ZNF518A: variants seen among roughly 807,000 people sequenced by gnomAD.
The protein encoded by ZNF518A is zinc finger protein 518.
In ZNF518A, 47 loss-of-function variants were observed where a neutral mutation model predicts 102.7. The observed-to-expected ratio is 0.46, with a 90% CI of 0.36 to 0.58. ZNF518A has a LOEUF of 0.58. Ranked by LOEUF, ZNF518A falls within the 20% of genes least tolerant of loss-of-function variation. ZNF518A has a pLI of 0.00. For missense variants in ZNF518A, 1,793 were observed against 1,699.8 expected, an observed-to-expected ratio of 1.05 and a Z score of -0.96; for synonymous variants, 652 against 594.6, an observed-to-expected ratio of 1.10 and a Z score of -1.40.
In ZNF518A at chr10:96,156,801, A is replaced by G; in HGVS notation, c.479A>G (p.Asn160Ser). The change falls in exon 6 of 6, where the codon AAT becomes AGT. Residue 160 changes from asparagine to serine, a missense_variant. Around this residue, in one of 3 missense-constraint regions of ZNF518A, gnomAD observed 1,741 missense variants for 1,622.6 expected, o/e 1.07. Transcript: ENST00000316045. ...YPCEMCNFSA[N>S]DFQVFKQHRR... ...TGTGAAATGTGCAACTTTTCAGCAA[A>G]TGACTTTCAGGTATTTAAACAACAC... is the stretch of plus-strand genomic sequence containing the variant. The G allele has an allele frequency of 6.2e-7, 1 of 1,613,930 alleles. No homozygotes were observed. Among genetic ancestry groups the G allele is most frequent in the Non-Finnish European group, 8.5e-7 (1 of 1,179,818 alleles).
intron 1 of ZNF518A, among the ~76,000 whole-genome samples, chr10:96,202,320 G>A (rs587775952): frequency 6.6e-6 from 1 of 152,310 alleles, no homozygotes; most frequent in Admixed American, 6.5e-5. Flanking sequence ...CAACAGCAGA[G>A]TGGGGGAGGC....
chr10:96,184,212 G>A (rs2083257540), intron 1 of ZNF518A, among the ~76,000 whole-genome samples: 1 of 152,112 alleles, frequency 6.6e-6, no homozygotes, highest in South Asian at 2.1e-4. Flanking sequence ...CGTGAGATGG[G>A]TCTCCTGAAT....
At position 96,156,740 on chromosome 10, in the gene ZNF518A, C is replaced by A. The variant is rs782712101; in HGVS notation, c.418C>A (p.Gln140Lys). The part of the protein sequence containing the change: ...YSPNDLQKHF[Q>K]MWHHGELPSY... ...CCCAAATGATTTGCAGAAACACTTT[C>A]AAATGTGGCACCATGGCGAATTACC... The change falls in exon 6 of 6, where the codon CAA becomes AAA. Residue 140 changes from glutamine (Q) to lysine (K), a missense_variant. Physicochemically the swap from Gln to Lys is moderately conservative, Grantham distance 53 (BLOSUM62 1). Transcript: ENST00000316045. 9 of 1,613,748 alleles carry A rather than the reference C, an allele frequency of 5.6e-6. No individual in the cohort carries two copies. The highest frequency in any genetic ancestry group is 6.8e-6 in the Non-Finnish European group (8 of 1,179,804).
At chr10:96,196,839 A>G in intron 1 of ZNF518A, 2 of 1,462,978 alleles carry the variant, frequency 1.4e-6, no homozygotes, top group Non-Finnish European at 1.9e-6. Context: ...TCTAGCATCT[A>G]ATACAGTATT....
At chr10:96,183,946 C>T (rs1055388041) in intron 1 of ZNF518A, among the ~76,000 whole-genome samples, 2 of 152,130 alleles carry the variant, frequency 1.3e-5, no homozygotes, top group Non-Finnish European at 2.9e-5. Context: ...TGTTGGGTAT[C>T]TAAATCTCTT....
chr10:96,157,781 C>T lies in ZNF518A; in HGVS notation c.1459C>T (p.Gln487Ter). 6.2e-7 allele frequency: 1 copy of T among 1,613,852 alleles called. No homozygotes were observed. ...GGACGGTACTGCTAATTTGCAGCCCCAGACTTTGGACACTAATGGATTTTT... is the reference window on the plus strand; with the variant it reads ...GGACGGTACTGCTAATTTGCAGCCCTAGACTTTGGACACTAATGGATTTTT... ...AKDGTANLQP[Q>*]TLDTNGFLTG... Residue 487 changes from glutamine (Q) to a stop codon, truncating the protein, a stop_gained, in exon 6 of 6, where the codon CAG becomes TAG. Transcript: ENST00000316045. LOFTEE classifies it high-confidence loss of function.
chr10:96,148,650 A>G (rs74204561), intron 3 of ZNF518A, among the ~76,000 whole-genome samples: 2,854 of 152,176 alleles, frequency 0.019, 132 homozygotes, highest in East Asian at 0.17. Context: ...TTTGACTCCC[A>G]CTGTGGGGAG....
At chr10:96,197,199 G>T in intron 1 of ZNF518A, 1 of 651,464 alleles carries the variant, frequency 1.5e-6, no homozygotes, top group Non-Finnish European at 2.5e-6. Flanking sequence ...TTTTATTATT[G>T]ATTAGCGCTT....
At position 96,158,757 on chromosome 10, in the gene ZNF518A, A is replaced by C. The variant is rs149606048; in HGVS notation, c.2435A>C (p.His812Pro). The C allele has an allele frequency of 1.7e-5, 28 of 1,613,336 alleles. No individual in the cohort carries two copies. Among genetic ancestry groups the C allele is most frequent in the Middle Eastern group, 1.6e-4 (1 of 6,082 alleles). ...ACTCCAAATAAAGGCTTGCCACTTCATTGTGACCAGTCATTTCAAAAACAC... is the reference window on the plus strand; with the variant it reads ...ACTCCAAATAAAGGCTTGCCACTTCCTTGTGACCAGTCATTTCAAAAACAC... ...SNTPNKGLPL[H>P]CDQSFQKHER... Residue 812 changes from histidine (H) to proline (P), a missense_variant, in exon 6 of 6, where the codon CAT (histidine) becomes CCT (proline). His to Pro is a moderately conservative substitution (Grantham distance 77, BLOSUM62 -2). Coordinates refer to ENST00000316045, the MANE Select transcript of ZNF518A (RefSeq NM_001330736.2).
At chr10:96,139,753 T>C (rs1042263910) in intron 3 of ZNF518A, among the ~76,000 whole-genome samples, 9 of 152,102 alleles carry the variant, frequency 5.9e-5, no homozygotes, top group Non-Finnish European at 1.5e-5. Context: ...TGGATGCCAG[T>C]TAGGAGGATG....
At chr10:96,176,782 G>C (rs2083207001) in intron 1 of ZNF518A, among the ~76,000 whole-genome samples, 1 of 202 alleles carries the variant, frequency 5.0e-3, no homozygotes, top group Admixed American at 0.05. Context: ...TGTCATCCCA[G>C]CTACTCAGGA....
intron 3 of ZNF518A, among the ~76,000 whole-genome samples, chr10:96,134,297 CTCGGCTCA>C (rs2081490713): frequency 6.6e-6 from 1 of 152,240 alleles, no homozygotes; most frequent in African/African-American, 2.4e-5. Context: ...GTGGCGCGAT[CTCGGCTCA>C]CTACAACCTC....
downstream of ZNF518A, among the ~76,000 whole-genome samples, chr10:96,165,877 A>AGTC (rs1416876705): frequency 6.6e-6 from 1 of 152,180 alleles, no homozygotes; most frequent in Admixed American, 6.5e-5. Flanking sequence ...GAGGCTAGGA[A>AGTC]GTCCCACACT....
chr10:96,189,742 G>C (rs2083300110), intron 1 of ZNF518A: 2 of 725,858 alleles, frequency 2.8e-6, no homozygotes, highest in African/African-American at 3.6e-5. Context: ...ATCTTCATCA[G>C]CAGCAAGTTT....
rs1164254011 is a variant in ZNF518A at position 96,161,471 on chromosome 10, G to A, written c.*697G>A. ...CTGTGTCAAATGTTGCAGTAGATGGGCAGCTTCAAGAGAAGAATTTAAACT... is the reference window on the plus strand; with the variant it reads ...CTGTGTCAAATGTTGCAGTAGATGGACAGCTTCAAGAGAAGAATTTAAACT... On this transcript the variant is annotated 3_prime_UTR_variant, in exon 6 of 6. Coordinates refer to ENST00000316045, the MANE Select transcript of ZNF518A (RefSeq NM_001330736.2). 6.0e-6 allele frequency: 1 copy of A among 166,744 alleles called. No homozygotes were observed. Among genetic ancestry groups the A allele is most frequent in the African/African-American group, 2.4e-5 (1 of 41,418 alleles). 10.3% of individuals were successfully genotyped at this position (166,744 alleles called of 1,614,324 possible).
chr10:96,140,314 A>C (rs149797800), intron 3 of ZNF518A, among the ~76,000 whole-genome samples: 1 of 152,272 alleles, frequency 6.6e-6, no homozygotes, highest in African/African-American at 2.4e-5. Flanking sequence ...AGGGAGTGTA[A>C]CTTCTAATCA....
intron 1 of ZNF518A, among the ~76,000 whole-genome samples, chr10:96,180,180 CTTTTTT>C (rs60561670): frequency 0.046 from 4,468 of 96,294 alleles, 163 homozygotes; most frequent in African/African-American, 0.12. Context: ...GCTCCAGCCT[CTTTTTT>C]TTTTTTTTTT....
chr10:96,160,091 A>G lies in ZNF518A; in HGVS notation c.3769A>G (p.Lys1257Glu). ...AAAGACTTCCAAAAAAATTTTTTCAAAAACAAAAACTCATGGAAGTAAAGA... is the reference window on the plus strand; with the variant it reads ...AAAGACTTCCAAAAAAATTTTTTCAGAAACAAAAACTCATGGAAGTAAAGA... The part of the protein sequence containing the change: ...RKKTSKKIFS[K>E]TKTHGSKDSE... Residue 1257 changes from lysine to glutamate, a missense_variant, in exon 6 of 6, where the codon AAA becomes GAA. Around this residue, in one of 3 missense-constraint regions of ZNF518A, gnomAD observed 1,741 missense variants for 1,622.6 expected, o/e 1.07. Coordinates refer to ENST00000316045, the MANE Select transcript of ZNF518A (RefSeq NM_001330736.2). The G allele has an allele frequency of 6.2e-7, 1 of 1,608,164 alleles. No individual in the cohort carries two copies. Among genetic ancestry groups the G allele is most frequent in the Non-Finnish European group, 8.5e-7 (1 of 1,178,518 alleles).
intron 3 of ZNF518A, among the ~76,000 whole-genome samples, chr10:96,154,945 AGATT>A (rs2082628030): frequency 6.6e-6 from 1 of 152,170 alleles, no homozygotes; most frequent in Admixed American, 6.5e-5. Flanking sequence ...GTAGGTATTT[AGATT>A]AATTGAAGTT....
Sources: gnomAD v4.1 joint callset for allele counts (sites outside exome capture counted in the v4.1 genomes callset) on GRCh38, gnomAD v4.1.1 for gene constraint, gnomAD v4.1.1 regional missense constraint, MANE v1.5 for transcripts, NCBI Gene and HGNC (gene_info 2026-07-23, HGNC 2026-07-21) for gene names.